The following TNFAIP2 variants were observed in gnomAD, a reference collection of about 807,000 sequenced individuals.
TNFAIP2 encodes tumor necrosis factor alpha-induced protein 2.
A neutral mutation model predicts 63.5 loss-of-function variants in TNFAIP2; 47 were observed. The observed-to-expected ratio is 0.74, with a 90% CI of 0.59 to 0.94. TNFAIP2 has a LOEUF of 0.94. TNFAIP2 is among the 40% of genes least tolerant of loss of function. The pLI, the probability that TNFAIP2 is intolerant of heterozygous loss-of-function variation, is 0.00. For missense variants in TNFAIP2, 787 were observed against 850.2 expected (o/e 0.93, Z 0.92); for synonymous variants, 405 against 390.2 (o/e 1.04, Z -0.45).
chr14:103,131,788 A>C lies in TNFAIP2; in HGVS notation c.1422+26A>C. Reference sequence around the variant, plus strand: ...GTAGCGGGAGCCTCTTGCCCTCAGGAGCCCAGTGTTGGGGGGTTCCCAGGG... The same window carrying C: ...GTAGCGGGAGCCTCTTGCCCTCAGGCGCCCAGTGTTGGGGGGTTCCCAGGG... On this transcript the variant is annotated intron_variant, in intron 8 of 11. Coordinates refer to ENST00000560869, the MANE Select transcript of TNFAIP2 (RefSeq NM_006291.4). The surrounding 1 kb of genome is among the most constrained non-coding windows in gnomAD (Gnocchi z 4.0). 1.2e-6 allele frequency: 2 copies of C among 1,604,408 alleles called. No individual in the cohort carries two copies. The highest frequency in any genetic ancestry group is 1.7e-6 in the Non-Finnish European group (2 of 1,175,250).
At chr14:103,129,480 G>A (rs1482090162) in intron 3 of TNFAIP2, among the ~76,000 whole-genome samples, 1 of 145,286 alleles carries the variant, frequency 6.9e-6, no homozygotes, top group East Asian at 2.0e-4. Context: ...CTGATTTTGG[G>A]GGCTATTTTG....
chr14:103,133,143 A>AAC (rs3070502), intron 9 of TNFAIP2, among the ~76,000 whole-genome samples: 100,729 of 151,802 alleles, frequency 0.66, 33,736 homozygotes, highest in African/African-American at 0.72. Context: ...CGAGCATGTA[A>AAC]ACACACACAT....
chr14:103,136,112 T>C lies in TNFAIP2; in HGVS notation c.*752T>C. The C allele has an allele frequency of 9.7e-7, 1 of 1,032,132 alleles. No individual in the cohort carries two copies. The highest frequency in any genetic ancestry group is 3.6e-5 in the Admixed American group (1 of 27,808). The allele number at this position is 1,032,132 out of a possible 1,614,324, so 63.9% of individuals were successfully genotyped here. On this transcript the variant is annotated 3_prime_UTR_variant, in exon 12 of 12. Transcript: ENST00000560869. The stretch of plus-strand genomic sequence containing the variant: ...TCCTGGGTCCTCTCAGGCTCCCCCT[T>C]CCCCAAGGCAGGGACAGGCCCTGGG...
In TNFAIP2 at chr14:103,135,996, G is replaced by T. The variant is rs1253319377; in HGVS notation, c.*636G>T. ...CCCCTACAGGCTGGCCCTGCAATGG[G>T]GCCCTGAGCCCTCCCTCTTCATCCC... On this transcript the variant is annotated 3_prime_UTR_variant, in exon 12 of 12. Transcript: ENST00000560869. This position sits in a 1 kb window ranked among gnomAD's most constrained non-coding sequence, Gnocchi z 7.6. 7.8e-7 allele frequency: 1 copy of T among 1,287,676 alleles called. No individual in the cohort carries two copies. The highest frequency in any genetic ancestry group is 5.5e-5 in the East Asian group (1 of 18,026). 79.8% of individuals were successfully genotyped at this position (1,287,676 alleles called of 1,614,324 possible).
At chr14:103,123,410 G>T (rs1047932872), upstream of TNFAIP2, 2 of 152,292 alleles carry the variant, frequency 1.3e-5, no homozygotes, top group African/African-American at 4.8e-5. Flanking sequence ...GGCGGGCGGG[G>T]CGGGGCTGAC....
upstream of TNFAIP2, among the ~76,000 whole-genome samples, chr14:103,122,410 G>A (rs1891144380): frequency 6.6e-6 from 1 of 152,246 alleles, no homozygotes; most frequent in Admixed American, 6.5e-5. Context: ...CAAAAGAGGG[G>A]AGGAGCAGAG....
At chr14:103,132,643 C>G in intron 8 of TNFAIP2, 107 bp from the exon 9 acceptor site, 2 of 1,498,028 alleles carry the variant, frequency 1.3e-6, no homozygotes, top group Non-Finnish European at 1.8e-6. Flanking sequence ...CGCCCCTCCA[C>G]CAGGCACATG....
rs754399388 is a variant in TNFAIP2 at position 103,132,847 on chromosome 14, CAG to C, written c.1523_1524del (p.Glu508AlafsTer50). On this transcript the variant is annotated frameshift_variant, in exon 9 of 12. Coordinates refer to ENST00000560869, the MANE Select transcript of TNFAIP2 (RefSeq NM_006291.4). LOFTEE classifies it high-confidence loss of function. ...GTAGACACGAGGCTGCCTGAGTTCT[CAG>C]AGCTGCAGGGCTGTTTCCGGGAGGT... 1 of 1,613,876 alleles carries C rather than the reference CAG, an allele frequency of 6.2e-7. No homozygotes were observed. Among genetic ancestry groups the C allele is most frequent in the Non-Finnish European group, 8.5e-7 (1 of 1,179,950 alleles).
At position 103,127,000 on chromosome 14, in the gene TNFAIP2, C is replaced by A; in HGVS notation, c.236-5C>A. The A allele has an allele frequency of 1.7e-6, 2 of 1,210,202 alleles. No individual in the cohort carries two copies. Among genetic ancestry groups the A allele is most frequent in the Non-Finnish European group, 1.0e-6 (1 of 971,818 alleles). 75.0% of individuals were successfully genotyped at this position (1,210,202 alleles called of 1,614,324 possible). A position where few individuals can be genotyped will look rare whatever the true frequency, so the allele number is the denominator to read the frequency against. ...GCCGGGGCTGACGCGGCTTTCCCGGCGCAGTGGAGGAGCTGAAGGCGGCGC... is the reference window on the plus strand; with the variant it reads ...GCCGGGGCTGACGCGGCTTTCCCGGAGCAGTGGAGGAGCTGAAGGCGGCGC... On this transcript the variant is annotated splice_polypyrimidine_tract_variant and splice_region_variant and intron_variant, in intron 2 of 11. Transcript: ENST00000560869.
chr14:103,128,442 C>T (rs946091914), intron 3 of TNFAIP2, among the ~76,000 whole-genome samples: 1 of 152,210 alleles, frequency 6.6e-6, no homozygotes, highest in African/African-American at 2.4e-5. Context: ...TTCGCACGGT[C>T]TGCATGGAGA....
At chr14:103,122,757 C>A (rs1252772456), upstream of TNFAIP2, 1 of 455,226 alleles carries the variant, frequency 2.2e-6, no homozygotes, top group Non-Finnish European at 4.4e-6. Context: ...GTGGGTCCAG[C>A]CCCAGCCCCA....
Position 103,131,444 on chromosome 14 carries a change from T to C in TNFAIP2, c.1299-195T>C, listed in dbSNP as rs1178659484. Among the ~76,000 whole-genome samples, 2 of 152,142 alleles carry C rather than the reference T, an allele frequency of 1.3e-5. No individual in the cohort carries two copies. Among genetic ancestry groups the C allele is most frequent in the East Asian group, 1.9e-4 (1 of 5,192 alleles). Reference sequence around the variant, plus strand: ...GGGCAAACCACTGGAGGAGGCTCACTTGCCCCCAGTTACAAGGGGATGTAG... The same window carrying C: ...GGGCAAACCACTGGAGGAGGCTCACCTGCCCCCAGTTACAAGGGGATGTAG... On this transcript the variant is annotated intron_variant, in intron 7 of 11. Coordinates refer to ENST00000560869, the MANE Select transcript of TNFAIP2 (RefSeq NM_006291.4). This position sits in a 1 kb window ranked among gnomAD's most constrained non-coding sequence, Gnocchi z 4.0.
rs1365412807 is a variant in TNFAIP2 at position 103,130,410 on chromosome 14, G to A, written c.1194G>A (p.Leu398=). 2 of 1,559,890 alleles carry A rather than the reference G, an allele frequency of 1.3e-6. 1 individual carries two copies. The highest frequency in any genetic ancestry group is 2.4e-5 in the South Asian group (2 of 84,676). ...RVLLVELPAF[L]RSYQRAFNEF... is the part of the protein sequence containing the mutation. ...TGCTGGTGGAGCTGCCTGCGTTCCT[G>A]AGGAGGTGGGTGTGTGCCCAGGATG... Residue 398 remains leucine (L), a synonymous_variant, in exon 6 of 12, where the codon CTG becomes CTA. Coordinates refer to ENST00000560869, the MANE Select transcript of TNFAIP2 (RefSeq NM_006291.4).
chr14:103,125,810 C>G (rs942553993), intron 1 of TNFAIP2, among the ~76,000 whole-genome samples: 1 of 152,176 alleles, frequency 6.6e-6, no homozygotes, highest in Non-Finnish European at 1.5e-5. Flanking sequence ...GGGGCTGGGT[C>G]TGGGCAGGAG....
Position 103,130,055 on chromosome 14 carries a change from G to A in TNFAIP2, c.1029G>A (p.Trp343Ter), listed in dbSNP as rs1348601213. 6.2e-7 allele frequency: 1 copy of A among 1,613,204 alleles called. No individual in the cohort carries two copies. The highest frequency in any genetic ancestry group is 2.2e-5 in the East Asian group (1 of 44,884). Residue 343 changes from tryptophan to a stop codon, truncating the protein, a stop_gained, in exon 5 of 12, where the codon TGG (tryptophan) becomes TGA (stop). Transcript: ENST00000560869. LOFTEE classifies it high-confidence loss of function. ...DRALELEARR[W>*]AEDVPPQRLD... The stretch of plus-strand genomic sequence containing the variant: ...CTCTGGAGCTAGAGGCACGGCGCTG[G>A]GCTGAGGATGTGCCTCCCCAGAGGC...
At chr14:103,121,509 G>A (rs1891101344), upstream of TNFAIP2, among the ~76,000 whole-genome samples, 1 of 152,266 alleles carries the variant, frequency 6.6e-6, no homozygotes, top group African/African-American at 2.4e-5. Context: ...GGTAAGGACT[G>A]CTCCTGCCCT....
At position 103,131,889 on chromosome 14, in the gene TNFAIP2, G is replaced by A. The variant is rs749497306; in HGVS notation, c.1422+127G>A. 30 of 1,334,044 alleles carry A rather than the reference G, an allele frequency of 2.2e-5. No individual in the cohort carries two copies. The highest frequency in any genetic ancestry group is 2.7e-4 in the Middle Eastern group (1 of 3,680). The allele number at this position is 1,334,044 out of a possible 1,614,324, so 82.6% of individuals were successfully genotyped here. A position where few individuals can be genotyped will look rare whatever the true frequency, so the allele number is the denominator to read the frequency against. On this transcript the variant is annotated intron_variant, in intron 8 of 11. Coordinates refer to ENST00000560869, the MANE Select transcript of TNFAIP2 (RefSeq NM_006291.4). The surrounding 1 kb of genome is among the most constrained non-coding windows in gnomAD (Gnocchi z 4.0). ...GAAGACACGCTCCAGGCCTGTGGAC[G>A]GCACCGTGGGCCAGCTCTGGTGCAG...
In TNFAIP2 at chr14:103,136,527, T is replaced by G. The variant is rs962015822; in HGVS notation, c.*1167T>G. 1 of 152,046 alleles carries G rather than the reference T, an allele frequency of 6.6e-6. No homozygotes were observed. Among genetic ancestry groups the G allele is most frequent in the African/African-American group, 2.4e-5 (1 of 41,180 alleles). The allele number at this position is 152,046 out of a possible 1,614,324, so 9.4% of individuals were successfully genotyped here. A position where few individuals can be genotyped will look rare whatever the true frequency, so the allele number is the denominator to read the frequency against. On this transcript the variant is annotated 3_prime_UTR_variant, in exon 12 of 12. Transcript: ENST00000560869. Reference sequence around the variant, plus strand: ...TCCTGCCTCCCTCCACCACTTTTTTTTTTTTTTTTTTGAGACAGGGTCTTG... The same window carrying G: ...TCCTGCCTCCCTCCACCACTTTTTTGTTTTTTTTTTTGAGACAGGGTCTTG...
chr14:103,127,232 C>T lies in TNFAIP2; in HGVS notation c.463C>T (p.Leu155=), dbSNP rs1206314183. The part of the protein sequence containing the change: ...EAPPERLRQA[L]AVVAEQERED... ...GCCGCCCGAGCGGCTGCGCCAGGCG[C>T]TGGCCGTGGTGGCGGAGCAGGAGCG... The change falls in exon 3 of 12, where the codon CTG becomes TTG. Residue 155 remains leucine, a synonymous_variant. Transcript: ENST00000560869. The surrounding 1 kb of genome is among the most constrained non-coding windows in gnomAD (Gnocchi z 5.1). 1.9e-6 allele frequency: 2 copies of T among 1,080,680 alleles called. No individual in the cohort carries two copies. Among genetic ancestry groups the T allele is most frequent in the Non-Finnish European group, 2.2e-6 (2 of 889,884 alleles). 66.9% of individuals were successfully genotyped at this position (1,080,680 alleles called of 1,614,324 possible).
Sources: gnomAD v4.1 joint callset for allele counts (sites outside exome capture counted in the v4.1 genomes callset) on GRCh38, gnomAD v4.1.1 for gene constraint, Gnocchi (gnomAD v3.1) non-coding constraint, MANE v1.5 for transcripts, NCBI Gene and HGNC (gene_info 2026-07-23, HGNC 2026-07-21) for gene names.